The following CFAP70 variants were observed in gnomAD, a reference collection of about 807,000 sequenced individuals.
The protein encoded by CFAP70 is cilia and flagella associated protein 70.
In CFAP70, 81 loss-of-function variants were observed where a neutral mutation model predicts 137.6. The observed-to-expected ratio is 0.59, with a 90% CI of 0.49 to 0.71. The LOEUF (loss-of-function observed/expected upper bound fraction) is 0.71, where lower values mean the gene tolerates loss of function less well. Ranked by LOEUF, CFAP70 falls within the 30% of genes least tolerant of loss-of-function variation. CFAP70 has a pLI of 0.00. For missense variants in CFAP70, 976 were observed against 1,226.7 expected (o/e 0.80, Z 3.05); for synonymous variants, 382 against 423.6 (o/e 0.90, Z 1.20).
chr10:73,274,175 A>G (rs1328674445), intron 23 of CFAP70, among the ~76,000 whole-genome samples: 2 of 152,244 alleles, frequency 1.3e-5, no homozygotes, highest in African/African-American at 4.8e-5. Flanking sequence ...AATTTTAGCT[A>G]GCATAACATT....
chr10:73,346,238 AT>A (rs761028940), intron 4 of CFAP70, among the ~76,000 whole-genome samples: 2 of 152,052 alleles, frequency 1.3e-5, no homozygotes, highest in African/African-American at 2.4e-5. Flanking sequence ...ATAAGAAAAT[AT>A]TTTTTTCAAA....
At chr10:73,274,635 TA>T in intron 22 of CFAP70, 41 bp from the exon 24 acceptor site, 3 of 1,505,464 alleles carry the variant, frequency 2.0e-6, no homozygotes, top group South Asian at 1.3e-5. Context: ...GATAAGGTAG[TA>T]TTTAAAAGTA....
intron 25 of CFAP70, among the ~76,000 whole-genome samples, chr10:73,263,018 T>C (rs139650220): frequency 2.6e-4 from 40 of 152,354 alleles, no homozygotes; most frequent in Admixed American, 2.3e-3. Flanking sequence ...GAAGTTAGTA[T>C]AGATAGAATA....
At chr10:73,319,582 T>G (rs1290000641) in intron 9 of CFAP70, among the ~76,000 whole-genome samples, 2 of 152,184 alleles carry the variant, frequency 1.3e-5, no homozygotes, top group African/African-American at 4.8e-5. Flanking sequence ...CCTCTGCCTT[T>G]AAAAATCATT....
intron 4 of CFAP70, among the ~76,000 whole-genome samples, chr10:73,345,850 G>A (rs887407954): frequency 5.3e-5 from 8 of 151,752 alleles, no homozygotes; most frequent in African/African-American, 1.9e-4. Context: ...AGTGAGATTG[G>A]GTGCTTTTTT....
intron 24 of CFAP70, among the ~76,000 whole-genome samples, chr10:73,272,159 AC>A (rs2046363931): frequency 3.9e-5 from 6 of 152,010 alleles, no homozygotes; most frequent in Admixed American, 3.3e-4. Context: ...ATATGGTGAA[AC>A]CCCATCTCTA....
At chr10:73,272,693 A>T in intron 24 of CFAP70, 1 of 589,592 alleles carries the variant, frequency 1.7e-6, no homozygotes, top group Admixed American at 2.7e-5. Context: ...AATTTTTTTT[A>T]TTATGTAGCT....
rs7899308 is a variant in CFAP70, at chr10:73,278,222, T to C, written c.2355A>G (p.Gln785=). The change falls in exon 20 of 27, where the codon CAA becomes CAG. Residue 785 remains glutamine (Q), a synonymous_variant. Coordinates refer to ENST00000310715, the Ensembl canonical transcript of CFAP70. ...CCTTGATAAATGTGTTAGATGGTTT[T>C]TGGCTTATACTTGGATCCCAAGTTT... is the stretch of plus-strand genomic sequence containing the variant. 0.012 allele frequency: 19,164 copies of C among 1,613,962 alleles called. 1,076 individuals are homozygous for C. The African/African-American group carries it at 0.16, about 14-fold the overall frequency.
intron 7 of CFAP70, among the ~76,000 whole-genome samples, chr10:73,333,539 G>C (rs541579424): frequency 1.3e-5 from 2 of 151,974 alleles, no homozygotes; most frequent in South Asian, 4.2e-4. Context: ...AGAAGAACAA[G>C]GATTAGAAAT....
In CFAP70 at chr10:73,291,625, C is replaced by T. The variant is rs1415111816; in HGVS notation, c.2020+15G>A. 1.9e-6 allele frequency: 3 copies of T among 1,602,432 alleles called. No individual in the cohort carries two copies. Among genetic ancestry groups the T allele is most frequent in the Non-Finnish European group, 2.6e-6 (3 of 1,172,090 alleles). On this transcript the variant is annotated intron_variant, in intron 18 of 26. Transcript: ENST00000310715. ...ATGGGGAGAAAACACATTCAGATTA[C>T]AAGAAAATATCTACCAAGTAAAGTC...
At chr10:73,340,658 T>C (rs1472098626) in intron 6 of CFAP70, among the ~76,000 whole-genome samples, 1 of 152,164 alleles carries the variant, frequency 6.6e-6, no homozygotes, top group Non-Finnish European at 1.5e-5. Context: ...CTTTCTCCCA[T>C]GCTCGTGGGT....
chr10:73,304,809 G>C (rs11000594), intron 12 of CFAP70, among the ~76,000 whole-genome samples: 2 of 151,350 alleles, frequency 1.3e-5, no homozygotes, highest in Non-Finnish European at 2.9e-5. Flanking sequence ...AAAACGACCG[G>C]GCAGGTAACT....
intron 8 of CFAP70, among the ~76,000 whole-genome samples, chr10:73,326,255 G>A (rs1435547240): frequency 6.6e-6 from 1 of 150,858 alleles, no homozygotes; most frequent in Non-Finnish European, 1.5e-5. Flanking sequence ...GTAACAAAAT[G>A]AAGGCAGAAA....
intron 6 of CFAP70, among the ~76,000 whole-genome samples, chr10:73,338,081 A>C (rs983234319): frequency 2.0e-5 from 3 of 152,098 alleles, no homozygotes; most frequent in Non-Finnish European, 4.4e-5. Flanking sequence ...GTTTTCTTCT[A>C]AAAACATTTG....
intron 25 of CFAP70, among the ~76,000 whole-genome samples, chr10:73,266,691 T>A (rs1304018022): frequency 6.6e-6 from 1 of 152,144 alleles, no homozygotes; most frequent in Non-Finnish European, 1.5e-5. Context: ...ATTTAGTTTT[T>A]AAAATAATTA....
chr10:73,291,888 T>C, exon 17 of CFAP70: 2 of 1,614,172 alleles, frequency 1.2e-6, no homozygotes, highest in Non-Finnish European at 1.7e-6. Context: ...TACCTGTGGA[T>C]ATGACTCTGG....
chr10:73,326,204 A>G lies in CFAP70; in HGVS notation c.778-3107T>C, dbSNP rs373643621. ...AACTCACTCAAAACTGCTCAACTAC[A>G]TGGAAACTGAACAACCTGCTCCTGA... is the stretch of plus-strand genomic sequence containing the variant. On this transcript the variant is annotated intron_variant, in intron 8 of 26. Coordinates refer to ENST00000310715, the Ensembl canonical transcript of CFAP70. 5.3e-5 allele frequency among the ~76,000 whole-genome samples: 8 copies of G among 152,158 alleles called. No individual in the cohort carries two copies. The East Asian group carries it at 1.5e-3, about 29-fold the overall frequency.
intron 1 of CFAP70, among the ~76,000 whole-genome samples, chr10:73,355,368 A>G (rs1024437029): frequency 6.6e-6 from 1 of 152,212 alleles, no homozygotes; most frequent in African/African-American, 2.4e-5. Flanking sequence ...CACTCCTTAT[A>G]AGAATCGAAT....
intron 1 of CFAP70, among the ~76,000 whole-genome samples, chr10:73,355,296 T>C (rs1260485734): frequency 1.3e-5 from 2 of 152,192 alleles, no homozygotes; most frequent in Non-Finnish European, 2.9e-5. Context: ...AGTGGCAGCA[T>C]TATATTCTCA....
Sources: allele counts gnomAD v4.1 joint callset (sites outside exome capture counted in the v4.1 genomes callset), GRCh38; gene constraint gnomAD v4.1.1; transcripts MANE v1.5; gene names NCBI Gene and HGNC (gene_info 2026-07-23, HGNC 2026-07-21).